FAXDC2: variants seen among roughly 807,000 people sequenced by gnomAD.
The protein encoded by FAXDC2 is fatty acid hydroxylase domain-containing protein 2.
Under a neutral mutation model 40.9 loss-of-function variants are expected in FAXDC2, and 41 were observed. The ratio of observed to expected loss-of-function variants is 1.00; its 90% CI spans 0.78 to 1.30. The LOEUF is 1.30. Among genes scored for constraint, FAXDC2 ranks in the 50% most tolerant of loss-of-function variants. The pLI is 0.00. For missense variants in FAXDC2, 390 were observed against 408.8 expected, an observed-to-expected ratio of 0.95 and a Z score of 0.40; for synonymous variants, 157 against 149.3, an observed-to-expected ratio of 1.05 and a Z score of -0.38.
chr5:154,838,306 T>C (rs1760402416), intron 1 of FAXDC2, 128 bp from the exon 2 acceptor site: 1 of 775,560 alleles, frequency 1.3e-6, no homozygotes, highest in East Asian at 2.7e-5. Flanking sequence ...GGCTTGTTGT[T>C]CTTCCTGAAA....
intron 7 of FAXDC2, 22 bp from the exon 8 acceptor site, chr5:154,821,448 AAGGC>A (rs1759887593): frequency 6.2e-7 from 1 of 1,604,250 alleles, no homozygotes. Context: ...GGGATGATTG[AAGGC>A]AGGGTCCAGG....
intron 4 of FAXDC2, among the ~76,000 whole-genome samples, chr5:154,831,810 G>C (rs1760199557): frequency 6.6e-6 from 1 of 152,042 alleles, no homozygotes; most frequent in South Asian, 2.1e-4. Context: ...AGAGAGCCAA[G>C]ACAGAAAGGG....
At chr5:154,848,145 A>G (rs1320556283) in intron 1 of FAXDC2, among the ~76,000 whole-genome samples, 1 of 152,064 alleles carries the variant, frequency 6.6e-6, no homozygotes, top group Non-Finnish European at 1.5e-5. Context: ...GGCCTACTGA[A>G]TGTTCCTATT....
In FAXDC2 at chr5:154,822,494, TAG is replaced by T; in HGVS notation, c.654_655del (p.Tyr219CysfsTer55). 6.2e-7 allele frequency: 1 copy of T among 1,613,748 alleles called. No individual in the cohort carries two copies. The highest frequency in any genetic ancestry group is 8.5e-7 in the Non-Finnish European group (1 of 1,179,730). ...CACTGCATGCTCTATAGGGTGGGCA[TAG>T]AGAGAGATCACGCCAATGGGAGCTG... On this transcript the variant is annotated frameshift_variant, in exon 7 of 9. Transcript: ENST00000326080. LOFTEE classifies it high-confidence loss of function.
chr5:154,824,556 G>T, intron 5 of FAXDC2: 1 of 702,598 alleles, frequency 1.4e-6, no homozygotes, highest in Non-Finnish European at 2.6e-6. Context: ...GGTCTCGCCA[G>T]CCTGTTGTGA....
At chr5:154,848,910 T>C (rs1760669942) in intron 1 of FAXDC2, among the ~76,000 whole-genome samples, 1 of 151,690 alleles carries the variant, frequency 6.6e-6, no homozygotes, top group Non-Finnish European at 1.5e-5. Context: ...GAGGTTGCAG[T>C]GAGCCAAGAT....
chr5:154,850,422 G>C (rs1208260805), intron 1 of FAXDC2, 61 bp downstream of exon 1: 5 of 152,232 alleles, frequency 3.3e-5, no homozygotes, highest in Non-Finnish European at 5.9e-5. Flanking sequence ...CTTACTTTAA[G>C]TGAACCTGGA....
chr5:154,820,854 G>A lies in FAXDC2; in HGVS notation c.846-382C>T, dbSNP rs1288110604. ...GATACCTTAGTTCAGCATATTTGGAGTGGAATTCAAGAGCCTATATTTTAA... is the reference window on the plus strand; with the variant it reads ...GATACCTTAGTTCAGCATATTTGGAATGGAATTCAAGAGCCTATATTTTAA... On this transcript the variant is annotated intron_variant, in intron 8 of 8. Transcript: ENST00000326080. The A allele has an allele frequency of 3.2e-5, 8 of 246,496 alleles. No homozygotes were observed. The South Asian group carries it at 5.6e-4, about 17-fold the overall frequency. The allele number at this position is 246,496 out of a possible 1,614,324, so 15.3% of individuals were successfully genotyped here.
In FAXDC2 at chr5:154,820,194, C is replaced by G. The variant is rs1290007307; in HGVS notation, c.*122G>C. 1 of 787,364 alleles carries G rather than the reference C, an allele frequency of 1.3e-6. No individual in the cohort carries two copies. Among genetic ancestry groups the G allele is most frequent in the Non-Finnish European group, 2.0e-6 (1 of 491,188 alleles). The allele number at this position is 787,364 out of a possible 1,614,324, so 48.8% of individuals were successfully genotyped here. A position where few individuals can be genotyped will look rare whatever the true frequency, so the allele number is the denominator to read the frequency against. On this transcript the variant is annotated 3_prime_UTR_variant, in exon 9 of 9. Transcript: ENST00000326080. ...CTTTTCCGGGAAGCCGACCTTCCCTCTACCCTGGTGGTGCCATCATTAGGG... is the reference window on the plus strand; with the variant it reads ...CTTTTCCGGGAAGCCGACCTTCCCTGTACCCTGGTGGTGCCATCATTAGGG...
chr5:154,824,767 A>G, intron 5 of FAXDC2: 2 of 562,508 alleles, frequency 3.6e-6, no homozygotes, highest in Admixed American at 6.1e-5. Flanking sequence ...CCAGTGAGAA[A>G]GGTAGACTAG....
chr5:154,837,419 G>A (rs1368193030), intron 2 of FAXDC2, among the ~76,000 whole-genome samples: 1 of 152,110 alleles, frequency 6.6e-6, no homozygotes, highest in Non-Finnish European at 1.5e-5. Context: ...GTGAGCCACT[G>A]TAACCCACCA....
In FAXDC2 at chr5:154,825,032, C is replaced by T. The variant is rs144742441; in HGVS notation, c.367-1440G>A. ...CAGGAGTTTAAGGCACACCAGCCTGCGTGAGAGAGTGAGACCCAATCTTGT... is the reference window on the plus strand; with the variant it reads ...CAGGAGTTTAAGGCACACCAGCCTGTGTGAGAGAGTGAGACCCAATCTTGT... On this transcript the variant is annotated intron_variant, in intron 5 of 8. Coordinates refer to ENST00000326080, the MANE Select transcript of FAXDC2 (RefSeq NM_032385.5). 2.1e-4 allele frequency among the ~76,000 whole-genome samples: 26 copies of T among 123,638 alleles called. No homozygotes were observed. In the East Asian group the frequency reaches 6.3e-3, roughly 30 times the overall value. The allele number at this position is 123,638 out of a possible 152,430, so 81.1% of individuals were successfully genotyped here.
At chr5:154,846,811 G>A (rs1167376924) in intron 1 of FAXDC2, among the ~76,000 whole-genome samples, 1 of 151,970 alleles carries the variant, frequency 6.6e-6, no homozygotes, top group Non-Finnish European at 1.5e-5. Context: ...TGTCCAGGCT[G>A]GAGTGCAATG....
rs755433888 is a variant in FAXDC2 at position 154,820,422 on chromosome 5, G to A, written c.896C>T (p.Thr299Ile). The A allele has an allele frequency of 1.2e-6, 2 of 1,613,114 alleles. No homozygotes were observed. The highest frequency in any genetic ancestry group is 1.7e-4 in the Middle Eastern group (1 of 6,056). ...VLGVLDHLHG[T>I]DTMFKQTKAY... ...CTTGGTCTGCTTGAACATGGTGTCA[G>A]TCCCATGGAGGTGGTCCAGCACACC... Residue 299 changes from threonine (T) to isoleucine (I), a missense_variant, in exon 9 of 9, where the codon ACT becomes ATT. Thr to Ile is a moderately conservative substitution (Grantham distance 89). Coordinates refer to ENST00000326080, the MANE Select transcript of FAXDC2 (RefSeq NM_032385.5).
At chr5:154,837,898 T>C (rs1444524253) in intron 2 of FAXDC2, among the ~76,000 whole-genome samples, 1 of 152,204 alleles carries the variant, frequency 6.6e-6, no homozygotes, top group African/African-American at 2.4e-5. Context: ...ACAGTTACAA[T>C]GCTTTTCAAT....
At chr5:154,821,763 TAGC>T (rs1759895325) in intron 7 of FAXDC2, among the ~76,000 whole-genome samples, 1 of 151,616 alleles carries the variant, frequency 6.6e-6, no homozygotes, top group Non-Finnish European at 1.5e-5. Context: ...CTGGGCAAAA[TAGC>T]AGGATCCCGA....
At chr5:154,830,112 C>G (rs1287118559) in intron 5 of FAXDC2, among the ~76,000 whole-genome samples, 2 of 152,166 alleles carry the variant, frequency 1.3e-5, no homozygotes, top group Non-Finnish European at 2.9e-5. Flanking sequence ...GGAAAGAAGC[C>G]AGGATGTGGT....
At chr5:154,827,680 C>T (rs1184559006) in intron 5 of FAXDC2, among the ~76,000 whole-genome samples, 4 of 151,332 alleles carry the variant, frequency 2.6e-5, no homozygotes, top group African/African-American at 9.7e-5. Context: ...GGACTACAGG[C>T]ATGCACCATC....
chr5:154,833,275 G>T (rs1760237996), intron 4 of FAXDC2, among the ~76,000 whole-genome samples: 1 of 151,764 alleles, frequency 6.6e-6, no homozygotes, highest in Non-Finnish European at 1.5e-5. Context: ...GGCCTCAAGT[G>T]ATCTGCCTGC....
Sources: allele counts gnomAD v4.1 joint callset (sites outside exome capture counted in the v4.1 genomes callset), GRCh38; gene constraint gnomAD v4.1.1; transcripts MANE v1.5; gene names NCBI Gene and HGNC (gene_info 2026-07-23, HGNC 2026-07-21).